The following YEATS4 variants were observed in gnomAD, a reference collection of about 807,000 sequenced individuals.
YEATS4 encodes YEATS domain-containing protein 4.
A neutral mutation model predicts 30.1 loss-of-function variants in YEATS4; 17 were observed. The ratio of observed to expected loss-of-function variants is 0.56; its 90% CI spans 0.39 to 0.85. The LOEUF (loss-of-function observed/expected upper bound fraction) is 0.85. YEATS4 is among the 40% of genes least tolerant of loss of function. The pLI is 0.00. For missense variants in YEATS4, 142 were observed against 268.3 expected, an observed-to-expected ratio of 0.53 and a Z score of 3.29; for synonymous variants, 85 against 87.5, an observed-to-expected ratio of 0.97 and a Z score of 0.16.
chr12:69,365,539 T>C, intron 2 of YEATS4, 94 bp from the exon 3 acceptor site: 1 of 808,416 alleles, frequency 1.2e-6, no homozygotes, highest in South Asian at 1.9e-5. Context: ...AAGGGAAGTA[T>C]GTTTTTTATA....
At position 69,370,964 on chromosome 12, in the gene YEATS4, A is replaced by G; in HGVS notation, c.503A>G (p.His168Arg). 6.2e-7 allele frequency: 1 copy of G among 1,609,938 alleles called. No homozygotes were observed. The highest frequency in any genetic ancestry group is 8.5e-7 in the Non-Finnish European group (1 of 1,178,760). The change falls in exon 6 of 7, where the codon CAT becomes CGT. Residue 168 changes from histidine to arginine, a missense_variant. By Grantham distance (29) the His-to-Arg change is conservative. Transcript: ENST00000247843. ...SRQLTLGAYK[H>R]ETEFAELEVK... ...CAGCTAACATTAGGAGCCTATAAGC[A>G]TGAAACAGAATGTAAGTGCCATGCA...
chr12:69,365,510 T>C (rs1296062383), intron 2 of YEATS4, 123 bp from the exon 3 acceptor site: 2 of 676,688 alleles, frequency 3.0e-6, no homozygotes, highest in Non-Finnish European at 4.9e-6. Context: ...TTTTAGAAAA[T>C]TAGATTCCAT....
At position 69,367,232 on chromosome 12, in the gene YEATS4, GTTTTC is replaced by G. The variant is rs1218677316; in HGVS notation, c.333+1355_333+1359del. On this transcript the variant is annotated intron_variant, in intron 4 of 6. Transcript: ENST00000247843. The stretch of plus-strand genomic sequence containing the variant: ...TTTACTGATTACTATTCCTACCTTA[GTTTTC>G]TTTTCTCATGAGTAAGCATCCATAG... Among the ~76,000 whole-genome samples, 4 of 152,212 alleles carry G rather than the reference GTTTTC, an allele frequency of 2.6e-5. No individual in the cohort carries two copies. In the East Asian group the frequency reaches 7.7e-4, roughly 29 times the overall value.
chr12:69,382,846 T>A (rs1876130590), intron 6 of YEATS4, among the ~76,000 whole-genome samples: 1 of 151,978 alleles, frequency 6.6e-6, no homozygotes, highest in Admixed American at 6.6e-5. Flanking sequence ...AATAATGAGG[T>A]ATTGGAGAAA....
At chr12:69,401,875 A>G in the YEATS4 span, among the ~76,000 whole-genome samples, 1 of 151,548 alleles carries the variant, frequency 6.6e-6, no homozygotes, top group African/African-American at 2.4e-5. Context: ...CCTCTAAACT[A>G]CCTTAGCATC....
intron 1 of YEATS4, among the ~76,000 whole-genome samples, chr12:69,360,474 C>T (rs1802194345): frequency 6.6e-6 from 1 of 152,126 alleles, no homozygotes; most frequent in East Asian, 1.9e-4. Context: ...CCGAGGCATA[C>T]GAAAGCTAAG....
At chr12:69,383,485 TG>T (rs1233411338) in intron 6 of YEATS4, among the ~76,000 whole-genome samples, 1 of 152,172 alleles carries the variant, frequency 6.6e-6, no homozygotes, top group Non-Finnish European at 1.5e-5. Flanking sequence ...CTGAGAGACC[TG>T]GGCACTCCAA....
chr12:69,386,932 T>C (rs908385666), intron 6 of YEATS4, among the ~76,000 whole-genome samples: 5 of 152,136 alleles, frequency 3.3e-5, no homozygotes, highest in Non-Finnish European at 7.4e-5. Context: ...ACAACACTAA[T>C]TAATAAAATA....
chr12:69,398,741 G>C, the YEATS4 span, among the ~76,000 whole-genome samples: 1 of 151,848 alleles, frequency 6.6e-6, no homozygotes, highest in African/African-American at 2.4e-5. Context: ...CTTGAGCCCA[G>C]GAGATGGAGG....
chr12:69,370,747 C>T lies in YEATS4; in HGVS notation c.375C>T (p.Thr125=). 1 of 1,593,532 alleles carries T rather than the reference C, an allele frequency of 6.3e-7. No individual in the cohort carries two copies. The highest frequency in any genetic ancestry group is 8.5e-7 in the Non-Finnish European group (1 of 1,173,638). ...YHLLKLFQSD[T]NAMLGKKTVV... is the part of the protein sequence containing the mutation. ...TGCTAAAGCTGTTTCAATCAGACACCAATGCAATGCTGGGGAAAAAGACAG... is the reference window on the plus strand; with the variant it reads ...TGCTAAAGCTGTTTCAATCAGACACTAATGCAATGCTGGGGAAAAAGACAG... Residue 125 remains threonine, a synonymous_variant, in exon 5 of 7, where the codon ACC becomes ACT. Coordinates refer to ENST00000247843, the MANE Select transcript of YEATS4 (RefSeq NM_006530.4).
At chr12:69,403,204 G>C in the YEATS4 span, among the ~76,000 whole-genome samples, 1 of 152,106 alleles carries the variant, frequency 6.6e-6, no homozygotes, top group East Asian at 1.9e-4. Flanking sequence ...GATTTGCTCT[G>C]TGAATTCAAA....
At chr12:69,400,354 C>A in the YEATS4 span, among the ~76,000 whole-genome samples, 1 of 151,854 alleles carries the variant, frequency 6.6e-6, no homozygotes, top group African/African-American at 2.4e-5. Flanking sequence ...TTAATAGTTT[C>A]CATTACATAT....
At chr12:69,378,305 C>T (rs1875945005) in intron 6 of YEATS4, among the ~76,000 whole-genome samples, 1 of 151,990 alleles carries the variant, frequency 6.6e-6, no homozygotes, top group South Asian at 2.1e-4. Flanking sequence ...CTTGTTTTTT[C>T]ATCCATTCAG....
the YEATS4 span, among the ~76,000 whole-genome samples, chr12:69,420,994 A>G: frequency 1.3e-5 from 2 of 152,178 alleles, no homozygotes; most frequent in South Asian, 2.1e-4. Flanking sequence ...TCGTTGACAA[A>G]TAATATTCCA....
chr12:69,370,094 A>T lies in YEATS4; in HGVS notation c.334-612A>T, dbSNP rs546279112. Among the ~76,000 whole-genome samples the T allele has an allele frequency of 1.6e-3, 239 of 152,302 alleles. 1 individual carries two copies. The highest frequency in any genetic ancestry group is 5.5e-3 in the African/African-American group (228 of 41,580). ...TTTCAGAACTTCAACATGAAGTCTG[A>T]TGTTTTCCGAACTAGATTTTATTTT... On this transcript the variant is annotated intron_variant, in intron 4 of 6. Coordinates refer to ENST00000247843, the MANE Select transcript of YEATS4 (RefSeq NM_006530.4).
intron 6 of YEATS4, among the ~76,000 whole-genome samples, chr12:69,375,525 TC>T (rs1875834077): frequency 6.6e-6 from 1 of 152,122 alleles, no homozygotes; most frequent in South Asian, 2.1e-4. Flanking sequence ...GGCTGTAATC[TC>T]GGCACTTTGG....
At chr12:69,376,259 G>C (rs1875868851) in intron 6 of YEATS4, among the ~76,000 whole-genome samples, 2 of 152,142 alleles carry the variant, frequency 1.3e-5, no homozygotes, top group South Asian at 4.2e-4. Context: ...CCAGCTACTC[G>C]TGTGGCAGAG....
the YEATS4 span, among the ~76,000 whole-genome samples, chr12:69,417,219 A>G: frequency 4.9e-5 from 6 of 121,806 alleles, no homozygotes; most frequent in Admixed American, 5.9e-4. Context: ...GTGCAGTGGT[A>G]TGATCATGGC....
At chr12:69,380,738 T>G (rs1290937935) in intron 6 of YEATS4, among the ~76,000 whole-genome samples, 7 of 152,182 alleles carry the variant, frequency 4.6e-5, no homozygotes, top group Non-Finnish European at 8.8e-5. Flanking sequence ...TCTTTCCTAT[T>G]TTCCCTAAGT....
Sources: allele counts gnomAD v4.1 joint callset (sites outside exome capture counted in the v4.1 genomes callset), GRCh38; gene constraint gnomAD v4.1.1; transcripts MANE v1.5; gene names NCBI Gene and HGNC (gene_info 2026-07-23, HGNC 2026-07-21).